Variants in SMAD9 observed in about 807,000 individuals in gnomAD.
SMAD9 encodes SMAD family member 9.
SMAD9 carries 36 observed loss-of-function variants against 46.1 expected under a neutral mutation model. The ratio of observed to expected loss-of-function variants is 0.78; its 90% confidence interval spans 0.60 to 1.03. The LOEUF is 1.03. Ranked by LOEUF, SMAD9 falls within the 50% of genes least tolerant of loss-of-function variation. SMAD9 has a pLI of 0.00. For synonymous variants in SMAD9, 245 were observed against 237.1 expected (o/e 1.03, Z -0.31); for missense variants, 572 against 599.8 (o/e 0.95, Z 0.48).
rs2058037016 is a variant in SMAD9 at position 36,846,140 on chromosome 13, A to AATG, written c.*2533_*2535dup. Reference sequence around the variant, plus strand: ...GCATCCAGATTTTTTTTTTGTTTTTAATGTCATTTATGAGCCACCAGTTTA... The same window carrying AATG: ...GCATCCAGATTTTTTTTTTGTTTTTAATGATGTCATTTATGAGCCACCAGTTTA... On this transcript the variant is annotated 3_prime_UTR_variant, in exon 7 of 7. Coordinates refer to ENST00000379826, the MANE Select transcript of SMAD9 (RefSeq NM_001127217.3). 2.0e-5 allele frequency: 3 copies of AATG among 150,276 alleles called. No individual in the cohort carries two copies. The highest frequency in any genetic ancestry group is 7.3e-5 in the African/African-American group (3 of 41,078). The allele number at this position is 150,276 out of a possible 1,614,324, so 9.3% of individuals were successfully genotyped here. A position where few individuals can be genotyped will look rare whatever the true frequency, so the allele number is the denominator to read the frequency against.
intron 1 of SMAD9, among the ~76,000 whole-genome samples, chr13:36,894,270 T>C (rs1179642309): frequency 6.6e-6 from 1 of 152,052 alleles, no homozygotes; most frequent in African/African-American, 2.4e-5. Flanking sequence ...TGAGGGCAGT[T>C]TCCCCCATAC....
At chr13:36,881,512 A>T (rs1485396630) in intron 1 of SMAD9, among the ~76,000 whole-genome samples, 1 of 152,202 alleles carries the variant, frequency 6.6e-6, no homozygotes, top group African/African-American at 2.4e-5. Flanking sequence ...TCAGGTGAGG[A>T]GGATGGCAGC....
chr13:36,852,230 ATTAT>A (rs1223529002), intron 6 of SMAD9: 49 of 901,796 alleles, frequency 5.4e-5, no homozygotes, highest in Non-Finnish European at 6.0e-5. Context: ...GTATAGAAAA[ATTAT>A]TTGTCATGGT....
chr13:36,880,170 TCA>T (rs1347175264), intron 1 of SMAD9, among the ~76,000 whole-genome samples: 1 of 152,232 alleles, frequency 6.6e-6, no homozygotes, highest in Non-Finnish European at 1.5e-5. Flanking sequence ...CATTCTGCCC[TCA>T]AAGTCTTTGG....
chr13:36,899,339 C>A (rs1410811755), intron 1 of SMAD9, among the ~76,000 whole-genome samples: 1 of 152,188 alleles, frequency 6.6e-6, no homozygotes, highest in Non-Finnish European at 1.5e-5. Context: ...TTTCAGTTCT[C>A]CCCAAATCAA....
At chr13:36,910,928 C>T (rs1355842343) in intron 1 of SMAD9, among the ~76,000 whole-genome samples, 1 of 152,180 alleles carries the variant, frequency 6.6e-6, no homozygotes, top group Admixed American at 6.5e-5. Flanking sequence ...ACCTAGCATG[C>T]AGGAGGCCAT....
At chr13:36,917,413 CT>C (rs1180613973) in intron 1 of SMAD9, among the ~76,000 whole-genome samples, 1 of 133,218 alleles carries the variant, frequency 7.5e-6, no homozygotes, top group Non-Finnish European at 1.6e-5. Context: ...TTTTTTTTTG[CT>C]TTAGAATAAC....
chr13:36,869,285 C>T (rs969557676), intron 3 of SMAD9, among the ~76,000 whole-genome samples: 1 of 151,612 alleles, frequency 6.6e-6, no homozygotes, highest in African/African-American at 2.4e-5. Flanking sequence ...TGCAGTGGCA[C>T]AATCTCAGCT....
intron 1 of SMAD9, among the ~76,000 whole-genome samples, chr13:36,896,793 A>C (rs972585083): frequency 1.3e-5 from 2 of 152,200 alleles, no homozygotes; most frequent in African/African-American, 4.8e-5. Flanking sequence ...TTTTTTAAAT[A>C]ATTCATTTAT....
At chr13:36,914,267 C>A (rs980809902) in intron 1 of SMAD9, among the ~76,000 whole-genome samples, 1 of 152,188 alleles carries the variant, frequency 6.6e-6, no homozygotes, top group African/African-American at 2.4e-5. Context: ...CGCCTGTAAA[C>A]CCAGCACTTT....
rs1566026855 is a variant in SMAD9 at position 36,879,743 on chromosome 13, A to G, written c.-54T>C. The stretch of plus-strand genomic sequence containing the variant: ...CGGGAACCGCACAGCCCTTCACGGC[A>G]AAGTGGGCGGCGAGTAGCTCTCCAG... On this transcript the variant is annotated 5_prime_UTR_variant, in exon 2 of 7. Transcript: ENST00000379826. The G allele has an allele frequency of 1.2e-6, 2 of 1,604,994 alleles. No homozygotes were observed. Among genetic ancestry groups the G allele is most frequent in the Admixed American group, 1.7e-5 (1 of 59,988 alleles).
chr13:36,850,605 C>G (rs1470189866), intron 6 of SMAD9, among the ~76,000 whole-genome samples: 1 of 152,152 alleles, frequency 6.6e-6, no homozygotes, highest in African/African-American at 2.4e-5. Flanking sequence ...TCTTGAACTC[C>G]TGACCTCAAG....
intron 1 of SMAD9, among the ~76,000 whole-genome samples, chr13:36,885,877 A>T (rs1484034568): frequency 6.6e-6 from 1 of 152,134 alleles, no homozygotes; most frequent in Non-Finnish European, 1.5e-5. Flanking sequence ...ACTGAATTAG[A>T]AAAAGGGGGA....
chr13:36,883,114 T>G (rs866212195), intron 1 of SMAD9, among the ~76,000 whole-genome samples: 1 of 152,192 alleles, frequency 6.6e-6, no homozygotes, highest in Non-Finnish European at 1.5e-5. Context: ...CAGTGTAAGT[T>G]TATTCAGTTG....
At chr13:36,910,304 G>A (rs1334561949) in intron 1 of SMAD9, among the ~76,000 whole-genome samples, 1 of 152,070 alleles carries the variant, frequency 6.6e-6, no homozygotes, top group Non-Finnish European at 1.5e-5. Flanking sequence ...GAACCATAGT[G>A]AATATGAGAA....
chr13:36,911,523 T>C (rs373282926), intron 1 of SMAD9, among the ~76,000 whole-genome samples: 4 of 151,748 alleles, frequency 2.6e-5, no homozygotes, highest in East Asian at 3.9e-4. Flanking sequence ...AATCATCTGT[T>C]TAATATATAT....
At chr13:36,913,513 A>C (rs2058676798) in intron 1 of SMAD9, among the ~76,000 whole-genome samples, 1 of 152,240 alleles carries the variant, frequency 6.6e-6, no homozygotes, top group African/African-American at 2.4e-5. Flanking sequence ...AGATATAATC[A>C]ATACAACTTT....
At chr13:36,882,043 T>G (rs1271123214) in intron 1 of SMAD9, among the ~76,000 whole-genome samples, 2 of 152,204 alleles carry the variant, frequency 1.3e-5, no homozygotes, top group African/African-American at 4.8e-5. Context: ...TAAACCAGGT[T>G]TTGTTTGGTT....
chr13:36,852,781 A>G (rs2058085322), intron 6 of SMAD9, among the ~76,000 whole-genome samples: 1 of 152,236 alleles, frequency 6.6e-6, no homozygotes, highest in African/African-American at 2.4e-5. Flanking sequence ...TCACTGAGTG[A>G]TAACAGTGCT....
Sources: gnomAD v4.1 joint callset for allele counts (sites outside exome capture counted in the v4.1 genomes callset) on GRCh38, gnomAD v4.1.1 for gene constraint, MANE v1.5 for transcripts, NCBI Gene and HGNC (gene_info 2026-07-23, HGNC 2026-07-21) for gene names.